The following TDRD5 variants were observed in gnomAD, a reference collection of about 807,000 sequenced individuals.
The protein encoded by TDRD5 is tudor domain-containing protein 5.
Under a neutral mutation model 120.6 loss-of-function variants are expected in TDRD5, and 41 were observed. The observed-to-expected ratio is 0.34, with a 90% CI of 0.26 to 0.44. The LOEUF (loss-of-function observed/expected upper bound fraction) is 0.44, where lower values mean the gene tolerates loss of function less well. Ranked by LOEUF, TDRD5 falls within the 20% of genes least tolerant of loss-of-function variation. TDRD5 has a pLI of 1.00. For missense variants in TDRD5, 1,006 were observed against 1,221.2 expected, an observed-to-expected ratio of 0.82 and a Z score of 2.63; for synonymous variants, 430 against 433.7, an observed-to-expected ratio of 0.99 and a Z score of 0.11.
At chr1:179,649,045 G>T (rs1678565878) in intron 11 of TDRD5, among the ~76,000 whole-genome samples, 1 of 152,080 alleles carries the variant, frequency 6.6e-6, no homozygotes, top group African/African-American at 2.4e-5. Context: ...ATCATTACTG[G>T]CTTCTGGTTT....
intron 6 of TDRD5, among the ~76,000 whole-genome samples, chr1:179,625,298 A>C (rs1278961284): frequency 1.3e-5 from 2 of 152,196 alleles, no homozygotes; most frequent in African/African-American, 4.8e-5. Flanking sequence ...CAGAAGCAGT[A>C]ATCAGTTAAA....
At chr1:179,615,407 A>G (rs1020174256) in intron 4 of TDRD5, among the ~76,000 whole-genome samples, 2 of 152,084 alleles carry the variant, frequency 1.3e-5, no homozygotes, top group Admixed American at 6.5e-5. Context: ...TTAGTCTTCT[A>G]TTTTATTGCC....
Position 179,608,302 on chromosome 1 carries a change from A to C in TDRD5, c.832-10297A>C, listed in dbSNP as rs150060500. On this transcript the variant is annotated intron_variant, in intron 4 of 17. Coordinates refer to ENST00000444136, the MANE Select transcript of TDRD5 (RefSeq NM_001199085.3). Reference sequence around the variant, plus strand: ...CTGCATGAGATTCATTGAGCTTCTTATATCATTGAGCTTCTTGTATGTGGG... The same window carrying C: ...CTGCATGAGATTCATTGAGCTTCTTCTATCATTGAGCTTCTTGTATGTGGG... Among the ~76,000 whole-genome samples, 90 of 151,734 alleles carry C rather than the reference A, an allele frequency of 5.9e-4. 5 individuals carry two copies. The East Asian group carries it at 0.015, about 26-fold the overall frequency.
intron 4 of TDRD5, among the ~76,000 whole-genome samples, chr1:179,617,236 G>A (rs1676609510): frequency 6.6e-6 from 1 of 152,114 alleles, no homozygotes; most frequent in African/African-American, 2.4e-5. Flanking sequence ...AAACTTGGAG[G>A]GGCTTCTGCT....
intron 17 of TDRD5, among the ~76,000 whole-genome samples, chr1:179,682,299 G>T (rs1414992582): frequency 6.6e-6 from 1 of 151,870 alleles, no homozygotes; most frequent in Non-Finnish European, 1.5e-5. Context: ...GAATGTGCAG[G>T]TTTGTTACAT....
chr1:179,618,721 T>C, intron 5 of TDRD5, 39 bp downstream of exon 5: 1 of 1,391,582 alleles, frequency 7.2e-7, no homozygotes, highest in Non-Finnish European at 9.8e-7. Context: ...TAATAATTGA[T>C]TTATAAATTT....
At chr1:179,687,198 C>G (rs1268915037) in intron 17 of TDRD5, among the ~76,000 whole-genome samples, 1 of 152,214 alleles carries the variant, frequency 6.6e-6, no homozygotes, top group Non-Finnish European at 1.5e-5. Flanking sequence ...AAATTTCCCT[C>G]TACACACTGC....
intron 6 of TDRD5, among the ~76,000 whole-genome samples, chr1:179,626,330 C>A (rs1398306905): frequency 6.6e-6 from 1 of 152,078 alleles, no homozygotes; most frequent in Admixed American, 6.6e-5. Context: ...TGTAGAATGT[C>A]TTTTATATTA....
At chr1:179,668,871 T>G (rs1372083803) in intron 16 of TDRD5, among the ~76,000 whole-genome samples, 2 of 151,314 alleles carry the variant, frequency 1.3e-5, no homozygotes, top group Non-Finnish European at 2.9e-5. Flanking sequence ...GCTTCCTGAG[T>G]AGCTGGGACT....
Position 179,619,816 on chromosome 1 carries a change from T to A in TDRD5, c.915+1134T>A, listed in dbSNP as rs1020583937. 2.6e-5 allele frequency among the ~76,000 whole-genome samples: 4 copies of A among 152,132 alleles called. No individual in the cohort carries two copies. In the East Asian group the frequency reaches 7.7e-4, roughly 29 times the overall value. ...AAAAAAAATTTGTAGAGACAGGGTC[T>A]TGCTCTGTTGCCCAGGCCTGTCTTG... On this transcript the variant is annotated intron_variant, in intron 5 of 17. Coordinates refer to ENST00000444136, the MANE Select transcript of TDRD5 (RefSeq NM_001199085.3).
At chr1:179,669,722 T>C (rs534607174) in intron 17 of TDRD5, among the ~76,000 whole-genome samples, 2 of 152,360 alleles carry the variant, frequency 1.3e-5, no homozygotes, top group African/African-American at 4.8e-5. Context: ...GCCATAATCA[T>C]GATAACATTT....
chr1:179,685,682 T>G (rs61826425), intron 17 of TDRD5, among the ~76,000 whole-genome samples: 2 of 152,232 alleles, frequency 1.3e-5, no homozygotes, highest in African/African-American at 4.8e-5. Context: ...GAGCATGGAT[T>G]GTTCTTCCAT....
chr1:179,680,946 A>T (rs192320797), intron 17 of TDRD5, among the ~76,000 whole-genome samples: 1 of 152,366 alleles, frequency 6.6e-6, no homozygotes, highest in East Asian at 1.9e-4. Flanking sequence ...AAATAGCAAA[A>T]TAATGTATTT....
chr1:179,603,308 C>G (rs1282176953), intron 4 of TDRD5, among the ~76,000 whole-genome samples: 2 of 152,106 alleles, frequency 1.3e-5, no homozygotes, highest in African/African-American at 2.4e-5. Flanking sequence ...GGTAAATGAT[C>G]ATATTGTCAG....
At chr1:179,686,376 C>G (rs1558432182) in intron 17 of TDRD5, among the ~76,000 whole-genome samples, 1 of 152,218 alleles carries the variant, frequency 6.6e-6, no homozygotes, top group Admixed American at 6.5e-5. Flanking sequence ...ACCAGCCTTG[C>G]ATTCCAGGGA....
intron 4 of TDRD5, among the ~76,000 whole-genome samples, chr1:179,616,931 T>G (rs1676592097): frequency 6.6e-6 from 1 of 152,170 alleles, no homozygotes; most frequent in African/African-American, 2.4e-5. Context: ...CAGTGATAAT[T>G]TAATACATTA....
chr1:179,632,343 G>A (rs770033205), intron 7 of TDRD5, among the ~76,000 whole-genome samples: 11 of 151,448 alleles, frequency 7.3e-5, no homozygotes, highest in Admixed American at 2.0e-4. Flanking sequence ...CTAGATTGCA[G>A]TATGGTACTT....
rs570527227 is a variant in TDRD5, at chr1:179,685,676, A to G, written c.2861-5020A>G. Among the ~76,000 whole-genome samples, 17 of 152,338 alleles carry G rather than the reference A, an allele frequency of 1.1e-4. No individual in the cohort carries two copies. The East Asian group carries it at 1.3e-3, about 12-fold the overall frequency. On this transcript the variant is annotated intron_variant, in intron 17 of 17. Transcript: ENST00000444136. ...ATATTGATTCTTCCTATCCATGAGC[A>G]TGGATTGTTCTTCCATTTGCTTGTA... is the stretch of plus-strand genomic sequence containing the variant.
At chr1:179,598,468 T>C (rs1409763530) in intron 4 of TDRD5, among the ~76,000 whole-genome samples, 1 of 152,220 alleles carries the variant, frequency 6.6e-6, no homozygotes, top group Non-Finnish European at 1.5e-5. Flanking sequence ...GAAAATGACA[T>C]CTTAACAGTA....
Sources: allele counts gnomAD v4.1 joint callset (sites outside exome capture counted in the v4.1 genomes callset), GRCh38; gene constraint gnomAD v4.1.1; transcripts MANE v1.5; gene names NCBI Gene and HGNC (gene_info 2026-07-23, HGNC 2026-07-21).